Variants in FBRSL1 observed in about 807,000 individuals in gnomAD.
FBRSL1 encodes the protein fibrosin-1-like protein.
In FBRSL1, 51 loss-of-function variants were observed where a neutral mutation model predicts 89.6. The ratio of observed to expected loss-of-function variants is 0.57; its 90% CI spans 0.45 to 0.72. The LOEUF (loss-of-function observed/expected upper bound fraction) is 0.72, where lower values mean the gene tolerates loss of function less well. FBRSL1 is among the 30% of genes least tolerant of loss of function. The pLI, the probability that FBRSL1 is intolerant of heterozygous loss-of-function variation, is 0.00. For synonymous variants in FBRSL1, 779 were observed against 681.1 expected, an observed-to-expected ratio of 1.14 and a Z score of -2.24; for missense variants, 1,618 against 1,451.8, an observed-to-expected ratio of 1.11 and a Z score of -1.86.
chr12:132,574,805 G>C (rs1351933621), intron 14 of FBRSL1, among the ~76,000 whole-genome samples: 1 of 152,114 alleles, frequency 6.6e-6, no homozygotes, highest in Admixed American at 6.5e-5. Context: ...AGGTGTGCCG[G>C]CTGGGCCACG....
intron 15 of FBRSL1, 75 bp from the exon 16 acceptor site, chr12:132,581,364 C>T: frequency 6.5e-7 from 1 of 1,549,850 alleles, no homozygotes; most frequent in East Asian, 2.4e-5. Context: ...TGGGGTGCTC[C>T]CTGTGAACAG....
At position 132,572,543 on chromosome 12, in the gene FBRSL1, C is replaced by A; in HGVS notation, c.1451C>A (p.Pro484His). The change falls in exon 11 of 19, where the codon CCT becomes CAT. Residue 484 changes from proline to histidine, a missense_variant. Coordinates refer to ENST00000680143, the MANE Select transcript of FBRSL1 (RefSeq NM_001367871.1). ...CTCTTACAGTTCTTCCCGTCCTTCCCTCCTGCCATCCCGGGACTGCCCACC... is the reference window on the plus strand; with the variant it reads ...CTCTTACAGTTCTTCCCGTCCTTCCATCCTGCCATCCCGGGACTGCCCACC... ...HSSVSFFPSF[P>H]PAIPGLPTLL... 6.4e-7 allele frequency: 1 copy of A among 1,551,362 alleles called. No individual in the cohort carries two copies. Among genetic ancestry groups the A allele is most frequent in the Non-Finnish European group, 8.7e-7 (1 of 1,146,776 alleles).
intron 2 of FBRSL1, among the ~76,000 whole-genome samples, chr12:132,516,208 T>C (rs936453758): frequency 3.3e-5 from 5 of 149,284 alleles, no homozygotes; most frequent in African/African-American, 1.2e-4. Context: ...TTTTTTTTTT[T>C]GAGATGGAGT....
chr12:132,552,448 C>T (rs1288628506), intron 5 of FBRSL1: 1 of 155,730 alleles, frequency 6.4e-6, no homozygotes, highest in Non-Finnish European at 1.4e-5. Context: ...GTTGGACAGG[C>T]TGGAGGCCCC....
At position 132,524,531 on chromosome 12, in the gene FBRSL1, C is replaced by G. The variant is rs552913787; in HGVS notation, c.490-1203C>G. Among the ~76,000 whole-genome samples, 9 of 152,384 alleles carry G rather than the reference C, an allele frequency of 5.9e-5. No individual in the cohort carries two copies. The East Asian group carries it at 1.7e-3, about 29-fold the overall frequency. On this transcript the variant is annotated intron_variant, in intron 2 of 18. Coordinates refer to ENST00000680143, the MANE Select transcript of FBRSL1 (RefSeq NM_001367871.1). ...GGTCGGCAGGGAGCCAGGCTCATGG[C>G]TGCAGCGAGCCACACCAGCCAGTCC...
chr12:132,496,461 C>T (rs1004728943), intron 1 of FBRSL1, among the ~76,000 whole-genome samples: 9 of 152,160 alleles, frequency 5.9e-5, no homozygotes, highest in African/African-American at 1.7e-4. Flanking sequence ...CTGGAAGCCT[C>T]GTTTCACTGT....
chr12:132,499,154 C>G lies in FBRSL1; in HGVS notation c.291+8293C>G, dbSNP rs1211031376. Among the ~76,000 whole-genome samples, 1 of 152,252 alleles carries G rather than the reference C, an allele frequency of 6.6e-6. No individual in the cohort carries two copies. ...GGCAGCCGCCCCGCCCATTCCAGAT[C>G]TCTGCTCTGCCCAGGTCTTGATGCT... On this transcript the variant is annotated intron_variant, in intron 1 of 18. Transcript: ENST00000680143. The surrounding 1 kb of genome is among the most constrained non-coding windows in gnomAD (Gnocchi z 4.3).
At chr12:132,528,468 C>G (rs1334360551) in intron 4 of FBRSL1, among the ~76,000 whole-genome samples, 3 of 152,132 alleles carry the variant, frequency 2.0e-5, no homozygotes, top group African/African-American at 7.2e-5. Flanking sequence ...GACAGAAAGG[C>G]CTGGGCCCAG....
rs138530267 is a variant in FBRSL1, at chr12:132,542,321, G to A, written c.616-5682G>A. Reference sequence around the variant, plus strand: ...CATGCTCAGCCAGGGTGGGGCTTCCGCACCGGTGTTCCCAGCAGCTCGGCC... The same window carrying A: ...CATGCTCAGCCAGGGTGGGGCTTCCACACCGGTGTTCCCAGCAGCTCGGCC... On this transcript the variant is annotated intron_variant, in intron 4 of 18. Transcript: ENST00000680143. 7.8e-3 allele frequency among the ~76,000 whole-genome samples: 1,192 copies of A among 152,332 alleles called. 5 individuals are homozygous for A. Among genetic ancestry groups the A allele is most frequent in the Middle Eastern group, 0.014 (4 of 294 alleles).
chr12:132,568,765 G>A (rs2039808481), intron 6 of FBRSL1, among the ~76,000 whole-genome samples: 1 of 152,266 alleles, frequency 6.6e-6, no homozygotes, highest in East Asian at 1.9e-4. Context: ...GATAGTGCCC[G>A]TGGGCTCCCT....
At chr12:132,502,465 G>A (rs2033107935) in intron 1 of FBRSL1, among the ~76,000 whole-genome samples, 2 of 152,196 alleles carry the variant, frequency 1.3e-5, no homozygotes, top group Admixed American at 6.5e-5. Context: ...GTAAATCGGA[G>A]CTGGAGGGAG....
chr12:132,509,337 C>T (rs1348914878), intron 2 of FBRSL1: 17 of 1,248,056 alleles, frequency 1.4e-5, no homozygotes, highest in Non-Finnish European at 1.7e-5. Flanking sequence ...CCAGCGGCCA[C>T]TCCTGGGTCA....
intron 18 of FBRSL1, 64 bp from the exon 19 acceptor site, chr12:132,582,907 C>G: frequency 7.8e-7 from 1 of 1,277,668 alleles, no homozygotes; most frequent in South Asian, 1.9e-5. Context: ...GGGAACATCC[C>G]GGGGCTGCGC....
chr12:132,524,057 C>T lies in FBRSL1; in HGVS notation c.490-1677C>T, dbSNP rs559267864. Among the ~76,000 whole-genome samples the T allele has an allele frequency of 3.9e-5, 6 of 152,340 alleles. No individual in the cohort carries two copies. In the South Asian group the frequency reaches 8.3e-4, roughly 21 times the overall value. On this transcript the variant is annotated intron_variant, in intron 2 of 18. Coordinates refer to ENST00000680143, the MANE Select transcript of FBRSL1 (RefSeq NM_001367871.1). ...CGGCCCCGGGCTCTGCTGCACAGGCCGTGCCTCCACCTAAACCTCATTGCA... is the reference window on the plus strand; with the variant it reads ...CGGCCCCGGGCTCTGCTGCACAGGCTGTGCCTCCACCTAAACCTCATTGCA...
At position 132,583,433 on chromosome 12, in the gene FBRSL1, C is replaced by A; in HGVS notation, c.2664C>A (p.Arg888=). Residue 888 remains arginine, a synonymous_variant, in exon 19 of 19, where the codon CGC becomes CGA. Transcript: ENST00000680143. ...LEPPERPYRD[R]EPHGYSPERL... is the part of the protein sequence containing the mutation. ...CCCCGGAGCGCCCCTACCGCGACCG[C>A]GAGCCCCACGGCTACAGCCCCGAGC... 9.3e-7 allele frequency: 1 copy of A among 1,072,204 alleles called. No individual in the cohort carries two copies. The highest frequency in any genetic ancestry group is 1.1e-6 in the Non-Finnish European group (1 of 884,180). 66.4% of individuals were successfully genotyped at this position (1,072,204 alleles called of 1,614,324 possible). A position where few individuals can be genotyped will look rare whatever the true frequency, so the allele number is the denominator to read the frequency against.
intron 2 of FBRSL1, among the ~76,000 whole-genome samples, chr12:132,517,045 C>A (rs1336381225): frequency 1.3e-5 from 2 of 152,230 alleles, no homozygotes. Flanking sequence ...GTTTGAGGCC[C>A]AGACGCTAGA....
At chr12:132,562,608 G>A (rs927039180) in intron 5 of FBRSL1, among the ~76,000 whole-genome samples, 6 of 46,482 alleles carry the variant, frequency 1.3e-4, no homozygotes, top group East Asian at 4.0e-3. Flanking sequence ...ACCAAGTAGC[G>A]TCAGTGCCAG....
intron 18 of FBRSL1, 58 bp from the exon 19 acceptor site, chr12:132,582,913 T>C: frequency 7.7e-7 from 1 of 1,297,986 alleles, no homozygotes; most frequent in Non-Finnish European, 9.9e-7. Context: ...ATCCCGGGGC[T>C]GCGCCGCGCG....
At chr12:132,550,499 G>C (rs7133643) in intron 5 of FBRSL1, among the ~76,000 whole-genome samples, 112,770 of 152,072 alleles carry the variant, frequency 0.74, 42,635 homozygotes, top group African/African-American at 0.91. Flanking sequence ...GCTGCTCGGG[G>C]AGAGCAGCAG....
Sources: gnomAD v4.1 joint callset for allele counts (sites outside exome capture counted in the v4.1 genomes callset) on GRCh38, gnomAD v4.1.1 for gene constraint, Gnocchi (gnomAD v3.1) non-coding constraint, MANE v1.5 for transcripts, NCBI Gene and HGNC (gene_info 2026-07-23, HGNC 2026-07-21) for gene names.